The following LPL variants were observed in gnomAD, a reference collection of about 807,000 sequenced individuals.
LPL encodes lipoprotein lipase.
In LPL, 43 loss-of-function variants were observed where a neutral mutation model predicts 52.2. That is an observed-to-expected ratio of 0.82 (90% CI 0.64 to 1.06). The LOEUF is 1.06. Among genes scored for constraint, LPL ranks in the 50% least tolerant of loss-of-function variants. LPL has a pLI of 0.00. For synonymous variants in LPL, 244 were observed against 215.6 expected, an observed-to-expected ratio of 1.13 and a Z score of -1.15; for missense variants, 639 against 585.3, an observed-to-expected ratio of 1.09 and a Z score of -0.95.
chr8:19,945,614 C>A (rs2069876477), intron 1 of LPL, among the ~76,000 whole-genome samples: 1 of 152,142 alleles, frequency 6.6e-6, no homozygotes, highest in South Asian at 2.1e-4. Context: ...GGTACAGGAT[C>A]TATGGATTGA....
In LPL at chr8:19,950,917, T is replaced by TGAAG. The variant is rs147472779; in HGVS notation, c.250-838_250-835dup. On this transcript the variant is annotated intron_variant, in intron 2 of 9. Transcript: ENST00000650287. This position sits in a 1 kb window ranked among gnomAD's most constrained non-coding sequence, Gnocchi z 4.2. ...AGGAATGAAGGAAGGAAGGAAGGAATGAAGGAAGGAAGGAAGGGAGGGAGG... is the reference window on the plus strand; with the variant it reads ...AGGAATGAAGGAAGGAAGGAAGGAATGAAGGAAGGAAGGAAGGAAGGGAGGGAGG... 2.0e-5 allele frequency among the ~76,000 whole-genome samples: 2 copies of TGAAG among 101,028 alleles called. No homozygotes were observed. Among genetic ancestry groups the TGAAG allele is most frequent in the Admixed American group, 1.1e-4 (1 of 8,984 alleles). The allele number at this position is 101,028 out of a possible 152,430, so 66.3% of individuals were successfully genotyped here.
At chr8:19,941,649 C>G (rs1277208622) in intron 1 of LPL, among the ~76,000 whole-genome samples, 2 of 152,226 alleles carry the variant, frequency 1.3e-5, no homozygotes, top group Admixed American at 1.3e-4. Context: ...ATCCCCTCCA[C>G]TTTCACTCTA....
intron 6 of LPL, among the ~76,000 whole-genome samples, chr8:19,958,719 G>C (rs901601579): frequency 6.6e-6 from 1 of 152,258 alleles, no homozygotes; most frequent in Non-Finnish European, 1.5e-5. Context: ...GCACCTACTA[G>C]ACACCTAATC....
Position 19,939,808 on chromosome 8 carries a change from G to C in LPL, c.88+280G>C, listed in dbSNP as rs937752500. On this transcript the variant is annotated intron_variant, in intron 1 of 9. Transcript: ENST00000650287. This position sits in a 1 kb window ranked among gnomAD's most constrained non-coding sequence, Gnocchi z 4.0. Reference sequence around the variant, plus strand: ...CCACTCTGGCTGGGACCGCGTTCCCGGGCTCGCAGGCTCCGCCGGGGAGGT... The same window carrying C: ...CCACTCTGGCTGGGACCGCGTTCCCCGGCTCGCAGGCTCCGCCGGGGAGGT... 6.6e-6 allele frequency among the ~76,000 whole-genome samples: 1 copy of C among 152,210 alleles called. No homozygotes were observed. The highest frequency in any genetic ancestry group is 2.4e-5 in the African/African-American group (1 of 41,464).
Position 19,939,867 on chromosome 8 carries a change from G to C in LPL, c.88+339G>C, listed in dbSNP as rs1361453290. On this transcript the variant is annotated intron_variant, in intron 1 of 9. Transcript: ENST00000650287. This position sits in a 1 kb window ranked among gnomAD's most constrained non-coding sequence, Gnocchi z 4.0. Reference sequence around the variant, plus strand: ...GTGGGGGCCGGGACGGCGGAGGCGGGGAGTAAGGGCCCGGCTGGCGGTGAC... The same window carrying C: ...GTGGGGGCCGGGACGGCGGAGGCGGCGAGTAAGGGCCCGGCTGGCGGTGAC... 6.6e-6 allele frequency among the ~76,000 whole-genome samples: 1 copy of C among 152,210 alleles called. No individual in the cohort carries two copies. Among genetic ancestry groups the C allele is most frequent in the African/African-American group, 2.4e-5 (1 of 41,470 alleles).
At chr8:19,959,500 GA>G (rs2070018258) in intron 7 of LPL, 120 bp downstream of exon 7, 1 of 1,304,460 alleles carries the variant, frequency 7.7e-7, no homozygotes, top group African/African-American at 1.5e-5. Flanking sequence ...AAAAAAATCA[GA>G]ATTTCAAAAT....
At chr8:19,962,053 C>A in intron 8 of LPL, 62 bp from the exon 9 acceptor site, 2 of 1,107,670 alleles carry the variant, frequency 1.8e-6, no homozygotes, top group Non-Finnish European at 2.8e-6. Context: ...CAGAACTGTA[C>A]CTTTGTGAAC....
At chr8:19,959,498 C>T (rs1563580022) in intron 7 of LPL, 118 bp downstream of exon 7, 3 of 1,311,222 alleles carry the variant, frequency 2.3e-6, no homozygotes, top group Non-Finnish European at 3.1e-6. Flanking sequence ...TTAAAAAAAT[C>T]AGAATTTCAA....
In LPL at chr8:19,956,151, T is replaced by G. The variant is rs1279594603; in HGVS notation, c.1018+68T>G. 12 of 1,600,186 alleles carry G rather than the reference T, an allele frequency of 7.5e-6. No individual in the cohort carries two copies. In the East Asian group the frequency reaches 2.2e-4, roughly 30 times the overall value. Reference sequence around the variant, plus strand: ...ATTTCATCATGCTCACTGCATCACATGTACTGATTCTGTCCATTGGAACAG... The same window carrying G: ...ATTTCATCATGCTCACTGCATCACAGGTACTGATTCTGTCCATTGGAACAG... On this transcript the variant is annotated intron_variant, in intron 6 of 9. Coordinates refer to ENST00000650287, the MANE Select transcript of LPL (RefSeq NM_000237.3).
At chr8:19,962,643 T>C (rs562501422) in intron 9 of LPL, among the ~76,000 whole-genome samples, 54 of 152,194 alleles carry the variant, frequency 3.5e-4, no homozygotes, top group Non-Finnish European at 5.0e-4. Flanking sequence ...AGTAAAAAGA[T>C]CTCACTGCAT....
In LPL at chr8:19,951,902, C is replaced by A. The variant is rs1231383321; in HGVS notation, c.383C>A (p.Thr128Asn). The A allele has an allele frequency of 9.3e-6, 15 of 1,614,006 alleles. 1 individual carries two copies. The Admixed American group carries it at 2.3e-4, about 25-fold the overall frequency. ...QEHYPVSAGY[T>N]KLVGQDVARF... ...CATTACCCAGTGTCCGCGGGCTACA[C>A]CAAACTGGTGGGACAGGATGTGGCC... The change falls in exon 3 of 10, where the codon ACC becomes AAC. Residue 128 changes from threonine (T) to asparagine (N), a missense_variant. Thr to Asn is a moderately conservative substitution (Grantham distance 65). Coordinates refer to ENST00000650287, the MANE Select transcript of LPL (RefSeq NM_000237.3).
intron 1 of LPL, among the ~76,000 whole-genome samples, chr8:19,945,711 C>T (rs1026630732): frequency 1.3e-5 from 2 of 152,116 alleles, no homozygotes; most frequent in African/African-American, 4.8e-5. Flanking sequence ...CCAGCAATTC[C>T]AGGGACACCA....
intron 1 of LPL, among the ~76,000 whole-genome samples, chr8:19,941,443 G>A (rs1420286318): frequency 1.3e-5 from 2 of 152,146 alleles, no homozygotes; most frequent in Non-Finnish European, 2.9e-5. Context: ...TCACCTCTCT[G>A]GGTTTAGGTT....
chr8:19,945,857 T>C (rs1305258157), intron 1 of LPL, among the ~76,000 whole-genome samples: 4 of 152,208 alleles, frequency 2.6e-5, no homozygotes, highest in Admixed American at 2.6e-4. Context: ...TCACATCATC[T>C]CTGCTTTAAA....
intron 9 of LPL, among the ~76,000 whole-genome samples, chr8:19,963,836 G>T (rs745914503): frequency 2.6e-5 from 4 of 152,142 alleles, no homozygotes; most frequent in Non-Finnish European, 5.9e-5. Context: ...TATCTAACTG[G>T]AGACTTTTCT....
chr8:19,957,803 AT>A (rs956487084), intron 6 of LPL, among the ~76,000 whole-genome samples: 1 of 152,058 alleles, frequency 6.6e-6, no homozygotes, highest in African/African-American at 2.4e-5. Context: ...TTTATTAAAA[AT>A]TTTTTCACCT....
chr8:19,953,304 C>T lies in LPL; in HGVS notation c.430-6C>T, dbSNP rs11570897. ...TAAGCACCTTCATTTTCTTTTTCTT[C>T]CAAAGGAGGAGTTTAACTACCCTCT... On this transcript the variant is annotated splice_polypyrimidine_tract_variant and splice_region_variant and intron_variant, in intron 3 of 9. Coordinates refer to ENST00000650287, the MANE Select transcript of LPL (RefSeq NM_000237.3). 2.4e-3 allele frequency: 3,842 copies of T among 1,576,400 alleles called. 73 individuals carry two copies. The Admixed American group carries it at 0.043, about 18-fold the overall frequency.
intron 9 of LPL, among the ~76,000 whole-genome samples, 156 bp from the exon 10 acceptor site, chr8:19,965,154 T>A (rs889686975): frequency 1.3e-5 from 2 of 152,192 alleles, no homozygotes; most frequent in South Asian, 2.1e-4. Flanking sequence ...CATTCTCTGA[T>A]CCATTATACA....
At chr8:19,945,018 C>T (rs1340126835) in intron 1 of LPL, among the ~76,000 whole-genome samples, 9 of 152,202 alleles carry the variant, frequency 5.9e-5, no homozygotes, top group South Asian at 4.1e-4. Flanking sequence ...TCCCTCCCTC[C>T]TGTACTCCTC....
Sources: gnomAD v4.1 joint callset for allele counts (sites outside exome capture counted in the v4.1 genomes callset) on GRCh38, gnomAD v4.1.1 for gene constraint, Gnocchi (gnomAD v3.1) non-coding constraint, MANE v1.5 for transcripts, NCBI Gene and HGNC (gene_info 2026-07-23, HGNC 2026-07-21) for gene names.